Variants in SPATA6 observed in about 807,000 individuals in gnomAD.
SPATA6 encodes spermatogenesis-associated protein 6.
Under a neutral mutation model 65.3 loss-of-function variants are expected in SPATA6, and 56 were observed. That is an observed-to-expected ratio of 0.86 (90% CI 0.69 to 1.07). The LOEUF is 1.07. Among genes scored for constraint, SPATA6 ranks in the 50% least tolerant of loss-of-function variants. SPATA6 has a pLI of 0.00. For missense variants in SPATA6, 590 were observed against 594.8 expected (o/e 0.99, Z 0.08); for synonymous variants, 199 against 213.2 (o/e 0.93, Z 0.58).
rs921685744 is a variant in SPATA6 at position 48,297,068 on chromosome 1, T to C, written c.*1645A>G. 2.6e-5 allele frequency: 4 copies of C among 151,946 alleles called. No homozygotes were observed. The highest frequency in any genetic ancestry group is 9.7e-5 in the African/African-American group (4 of 41,312). 9.4% of individuals were successfully genotyped at this position (151,946 alleles called of 1,614,324 possible). Reference sequence around the variant, plus strand: ...GACAGCCCCAGTTTACAGGCGCTATTCCAGCATTAATATCATCTCTTTTTA... The same window carrying C: ...GACAGCCCCAGTTTACAGGCGCTATCCCAGCATTAATATCATCTCTTTTTA... On this transcript the variant is annotated 3_prime_UTR_variant, in exon 13 of 13. Coordinates refer to ENST00000371847, the MANE Select transcript of SPATA6 (RefSeq NM_019073.4).
At chr1:48,423,485 T>C (rs2148027463) in intron 3 of SPATA6, among the ~76,000 whole-genome samples, 1 of 146,284 alleles carries the variant, frequency 6.8e-6, no homozygotes, top group South Asian at 2.2e-4. Flanking sequence ...AACAGAAAAA[T>C]GACTATCCTG....
At chr1:48,387,276 T>A (rs1396493371) in intron 8 of SPATA6, among the ~76,000 whole-genome samples, 1 of 152,112 alleles carries the variant, frequency 6.6e-6, no homozygotes, top group African/African-American at 2.4e-5. Flanking sequence ...AAGATGAGAT[T>A]TGGGTGGGGG....
rs1652893354 is a variant in SPATA6, at chr1:48,417,601, G to C, written c.239-4450C>G. Reference sequence around the variant, plus strand: ...GAGGCTGAGGTGGGCAGATCACAAGGTCAGGAGTTCGAGTCCAGCCTGGCC... The same window carrying C: ...GAGGCTGAGGTGGGCAGATCACAAGCTCAGGAGTTCGAGTCCAGCCTGGCC... On this transcript the variant is annotated intron_variant, in intron 3 of 12. Coordinates refer to ENST00000371847, the MANE Select transcript of SPATA6 (RefSeq NM_019073.4). Among the ~76,000 whole-genome samples the C allele has an allele frequency of 2.0e-5, 3 of 152,130 alleles. No individual in the cohort carries two copies. In the South Asian group the frequency reaches 6.2e-4, roughly 32 times the overall value.
At chr1:48,399,253 T>C (rs1312071532) in intron 7 of SPATA6, 98 bp downstream of exon 7, 35 of 1,326,190 alleles carry the variant, frequency 2.6e-5, no homozygotes, top group Non-Finnish European at 3.3e-5. Context: ...AAAAGTATTA[T>C]TAATATAAGC....
intron 8 of SPATA6, among the ~76,000 whole-genome samples, chr1:48,388,751 C>T (rs925012658): frequency 3.3e-5 from 5 of 151,962 alleles, no homozygotes; most frequent in African/African-American, 1.2e-4. Flanking sequence ...CTCTGCCACC[C>T]AGGCTGGAGT....
At chr1:48,316,570 A>G (rs918509957) in intron 11 of SPATA6, among the ~76,000 whole-genome samples, 7 of 152,332 alleles carry the variant, frequency 4.6e-5, no homozygotes, top group Non-Finnish European at 7.4e-5. Flanking sequence ...ACCTAAAACC[A>G]TAAAAACCCT....
intron 11 of SPATA6, among the ~76,000 whole-genome samples, chr1:48,314,281 A>C (rs1317312966): frequency 6.6e-6 from 1 of 152,188 alleles, no homozygotes; most frequent in Non-Finnish European, 1.5e-5. Context: ...AACTGACCAC[A>C]TAGTTGGAAG....
At chr1:48,392,445 A>G (rs1246305284) in intron 8 of SPATA6, among the ~76,000 whole-genome samples, 4 of 152,152 alleles carry the variant, frequency 2.6e-5, no homozygotes, top group African/African-American at 9.6e-5. Flanking sequence ...AGGACTGCAC[A>G]AATTACAATT....
At chr1:48,395,377 G>A (rs567597065) in intron 7 of SPATA6, 23 bp from the exon 8 acceptor site, 2 of 1,497,000 alleles carry the variant, frequency 1.3e-6, no homozygotes, top group East Asian at 2.4e-5. Flanking sequence ...GGATTTTTAT[G>A]TAAAAGAGAG....
chr1:48,272,993 T>C, the SPATA6 span, among the ~76,000 whole-genome samples: 2 of 152,150 alleles, frequency 1.3e-5, no homozygotes, highest in African/African-American at 4.8e-5. Flanking sequence ...GGTGTATGAG[T>C]CCCTTATATA....
rs116052648 is a variant in SPATA6, at chr1:48,437,240, C to T, written c.238+14312G>A. The T allele has an allele frequency of 8.8e-3, 14,148 of 1,611,922 alleles. 337 individuals are homozygous for T. The highest frequency in any genetic ancestry group is 0.069 in the African/African-American group (5,170 of 74,870). The stretch of plus-strand genomic sequence containing the variant: ...GAATTCTAGGGCTGCCAAATCATTT[C>T]ATGTCCTATATACTTGACACTTTCT... On this transcript the variant is annotated intron_variant, in intron 3 of 12. Transcript: ENST00000371847.
chr1:48,417,362 G>A (rs1048071479), intron 3 of SPATA6, among the ~76,000 whole-genome samples: 1 of 152,104 alleles, frequency 6.6e-6, no homozygotes, highest in Non-Finnish European at 1.5e-5. Context: ...CTGAATGAAA[G>A]ATGCTTAGAC....
rs1651668315 is a variant in SPATA6, at chr1:48,405,999, G to A, written c.406-2117C>T. Among the ~76,000 whole-genome samples, 8 of 152,060 alleles carry A rather than the reference G, an allele frequency of 5.3e-5. No homozygotes were observed. In the South Asian group the frequency reaches 1.7e-3, roughly 31 times the overall value. ...ATCCTGGTATAGATAGGGCTGCTGA[G>A]GTGTAGTTCCTTATGTACAGCTCCT... On this transcript the variant is annotated intron_variant, in intron 5 of 12. Transcript: ENST00000371847.
chr1:48,282,576 A>C, the SPATA6 span, among the ~76,000 whole-genome samples: 2 of 152,212 alleles, frequency 1.3e-5, no homozygotes, highest in East Asian at 3.8e-4. Context: ...CACAAAACAC[A>C]TGAAAAAATG....
chr1:48,335,279 C>G (rs1296016046), intron 11 of SPATA6, among the ~76,000 whole-genome samples: 2 of 151,244 alleles, frequency 1.3e-5, no homozygotes, highest in Non-Finnish European at 2.9e-5. Flanking sequence ...TTAGAAAAAA[C>G]TATTCTAAAA....
chr1:48,450,634 GA>G (rs781479556), intron 3 of SPATA6, among the ~76,000 whole-genome samples: 1 of 152,114 alleles, frequency 6.6e-6, no homozygotes, highest in Non-Finnish European at 1.5e-5. Context: ...CCAAGGGCTA[GA>G]ACAGCTATAC....
In SPATA6 at chr1:48,445,609, G is replaced by A. The variant is rs887506809; in HGVS notation, c.238+5943C>T. Among the ~76,000 whole-genome samples the A allele has an allele frequency of 1.1e-4, 15 of 131,468 alleles. No individual in the cohort carries two copies. The East Asian group carries it at 1.9e-3, about 17-fold the overall frequency. 86.2% of individuals were successfully genotyped at this position (131,468 alleles called of 152,430 possible). A position where few individuals can be genotyped will look rare whatever the true frequency, so the allele number is the denominator to read the frequency against. The stretch of plus-strand genomic sequence containing the variant: ...CAGGAGGCGGAGCTTGCAGTGAGCC[G>A]AGATCACGCCGCTGCACTCCAGACT... On this transcript the variant is annotated intron_variant, in intron 3 of 12. Coordinates refer to ENST00000371847, the MANE Select transcript of SPATA6 (RefSeq NM_019073.4).
intron 9 of SPATA6, among the ~76,000 whole-genome samples, chr1:48,381,248 T>G (rs1236948726): frequency 6.6e-6 from 1 of 152,176 alleles, no homozygotes; most frequent in African/African-American, 2.4e-5. Context: ...GAGCCCTATC[T>G]ATATAAGTGT....
intron 9 of SPATA6, among the ~76,000 whole-genome samples, chr1:48,363,716 T>A (rs72893254): frequency 0.14 from 21,684 of 151,870 alleles, 1,758 homozygotes; most frequent in African/African-American, 0.21. Flanking sequence ...AACTAATATT[T>A]TTAAACTAAT....
Sources: gnomAD v4.1 joint callset for allele counts (sites outside exome capture counted in the v4.1 genomes callset) on GRCh38, gnomAD v4.1.1 for gene constraint, MANE v1.5 for transcripts, NCBI Gene and HGNC (gene_info 2026-07-23, HGNC 2026-07-21) for gene names.